LIN52: variants seen among roughly 807,000 people sequenced by gnomAD.
The protein encoded by LIN52 is protein lin-52 homolog.
In LIN52, 4 loss-of-function variants were observed where a neutral mutation model predicts 18.5. The observed-to-expected ratio is 0.22, with a 90% CI of 0.11 to 0.49. The LOEUF is 0.49. LIN52 is among the 20% of genes least tolerant of loss of function. The pLI is 0.97. For missense variants in LIN52, 102 were observed against 139.5 expected, an observed-to-expected ratio of 0.73 and a Z score of 1.35; for synonymous variants, 34 against 45.5, an observed-to-expected ratio of 0.75 and a Z score of 1.02.
chr14:74,189,116 G>A (rs560608032), intron 5 of LIN52, among the ~76,000 whole-genome samples: 1 of 152,244 alleles, frequency 6.6e-6, no homozygotes, highest in South Asian at 2.1e-4. Flanking sequence ...CTAACTTGGG[G>A]CAAAATATTT....
intron 5 of LIN52, among the ~76,000 whole-genome samples, chr14:74,184,828 CATT>C (rs1368893033): frequency 6.6e-6 from 1 of 152,112 alleles, no homozygotes; most frequent in Admixed American, 6.5e-5. Context: ...CTATTACAAT[CATT>C]ATTCTTTTTT....
intron 5 of LIN52, among the ~76,000 whole-genome samples, chr14:74,128,938 T>C (rs1022537225): frequency 6.6e-6 from 1 of 151,632 alleles, no homozygotes; most frequent in African/African-American, 2.4e-5. Context: ...CAAGACTCTG[T>C]CTAAAAAAAC....
intron 5 of LIN52, among the ~76,000 whole-genome samples, chr14:74,175,751 C>CACACACACACACCCA (rs778907221): frequency 7.7e-6 from 1 of 130,186 alleles, no homozygotes; most frequent in African/African-American, 3.7e-5. Flanking sequence ...CACACACACA[C>CACACACACACACCCA]CCCCATTATA....
intron 5 of LIN52, among the ~76,000 whole-genome samples, chr14:74,164,071 T>C (rs2139567900): frequency 6.6e-6 from 1 of 151,708 alleles, no homozygotes; most frequent in African/African-American, 2.4e-5. Context: ...AAGCTCCGCC[T>C]CCCGGGTTCA....
At position 74,097,720 on chromosome 14, in the gene LIN52, T is replaced by A. The variant is rs941320457; in HGVS notation, c.133-74T>A. On this transcript the variant is annotated intron_variant, in intron 3 of 5. Transcript: ENST00000555028. ...GGCAGCCACCGCATCCGGCCCAGGCTACACTTCTTATAAGAATAATAGGGT... is the reference window on the plus strand; with the variant it reads ...GGCAGCCACCGCATCCGGCCCAGGCAACACTTCTTATAAGAATAATAGGGT... 6 of 1,152,216 alleles carry A rather than the reference T, an allele frequency of 5.2e-6. No homozygotes were observed. The African/African-American group carries it at 9.2e-5, about 18-fold the overall frequency. The allele number at this position is 1,152,216 out of a possible 1,614,324, so 71.4% of individuals were successfully genotyped here. A position where few individuals can be genotyped will look rare whatever the true frequency, so the allele number is the denominator to read the frequency against.
chr14:74,138,359 A>G (rs905228691), intron 5 of LIN52, among the ~76,000 whole-genome samples: 10 of 152,186 alleles, frequency 6.6e-5, no homozygotes, highest in Admixed American at 6.5e-4. Context: ...ATTTTGGGGG[A>G]AAATTGATAA....
At chr14:74,161,918 T>C (rs2061226807) in intron 5 of LIN52, among the ~76,000 whole-genome samples, 1 of 152,180 alleles carries the variant, frequency 6.6e-6, no homozygotes, top group Non-Finnish European at 1.5e-5. Flanking sequence ...TGCCCTTTAT[T>C]GGCAAAGCAA....
chr14:74,194,870 C>T (rs541735402), intron 5 of LIN52, among the ~76,000 whole-genome samples: 27 of 152,248 alleles, frequency 1.8e-4, no homozygotes, highest in South Asian at 1.0e-3. Context: ...ACAGGCTGGG[C>T]GAGGTGGCTC....
At chr14:74,162,008 G>A (rs1310151764) in intron 5 of LIN52, among the ~76,000 whole-genome samples, 1 of 152,176 alleles carries the variant, frequency 6.6e-6, no homozygotes, top group African/African-American at 2.4e-5. Flanking sequence ...GGCAAAGGGT[G>A]AGTTAGGAAG....
intron 5 of LIN52, among the ~76,000 whole-genome samples, chr14:74,119,324 A>G (rs1207611855): frequency 2.6e-5 from 4 of 151,198 alleles, no homozygotes; most frequent in Admixed American, 6.6e-5. Flanking sequence ...CACCACGCCC[A>G]GCTAATTTTT....
intron 5 of LIN52, among the ~76,000 whole-genome samples, chr14:74,129,868 G>C (rs1055570615): frequency 3.9e-5 from 6 of 152,142 alleles, no homozygotes; most frequent in African/African-American, 1.2e-4. Flanking sequence ...TCATGCTGCT[G>C]ATAAAGACAT....
chr14:74,110,346 G>C (rs1353436464), intron 5 of LIN52, among the ~76,000 whole-genome samples: 2 of 152,030 alleles, frequency 1.3e-5, no homozygotes, highest in African/African-American at 4.8e-5. Context: ...GCAACAAAAC[G>C]AAGACTCCAT....
intron 4 of LIN52, 45 bp from the exon 5 acceptor site, chr14:74,101,110 G>C (rs1482179785): frequency 1.3e-6 from 2 of 1,512,162 alleles, no homozygotes; most frequent in African/African-American, 2.8e-5. Context: ...TGCTACTAGA[G>C]AAGAGTGGAA....
At position 74,200,241 on chromosome 14, in the gene LIN52, CTG is replaced by C. The variant is rs2078939241; in HGVS notation, c.*1266_*1267del. 7.8e-6 allele frequency: 1 copy of C among 128,502 alleles called. No homozygotes were observed. The highest frequency in any genetic ancestry group is 2.5e-4 in the South Asian group (1 of 4,068). The allele number at this position is 128,502 out of a possible 1,614,324, so 8.0% of individuals were successfully genotyped here. On this transcript the variant is annotated 3_prime_UTR_variant, in exon 6 of 6. Coordinates refer to ENST00000555028, the MANE Select transcript of LIN52 (RefSeq NM_001024674.3). ...CCATCCTGGCCAATATGGTGAAACC[CTG>C]TCTCTACTAAAATACAAAAATTAGC...
intron 5 of LIN52, among the ~76,000 whole-genome samples, chr14:74,179,374 T>G (rs1966402): frequency 0.49 from 74,605 of 151,936 alleles, 18,940 homozygotes; most frequent in Non-Finnish European, 0.53. Flanking sequence ...ATTCTAATTC[T>G]TTGGGCCGGG....
At position 74,103,788 on chromosome 14, in the gene LIN52, A is replaced by G. The variant is rs1224849283; in HGVS notation, c.283+2550A>G. Among the ~76,000 whole-genome samples the G allele has an allele frequency of 2.8e-4, 19 of 69,032 alleles. No individual in the cohort carries two copies. The Admixed American group carries it at 3.6e-3, about 13-fold the overall frequency. The allele number at this position is 69,032 out of a possible 152,430, so 45.3% of individuals were successfully genotyped here. On this transcript the variant is annotated intron_variant, in intron 5 of 5. Coordinates refer to ENST00000555028, the MANE Select transcript of LIN52 (RefSeq NM_001024674.3). ...TTTTTTTAAGAGACTGGGTTTTTCT[A>G]TGTTGCCTAGGCTGGACTTGAGTTC...
At chr14:74,125,558 G>A (rs1454108447) in intron 5 of LIN52, among the ~76,000 whole-genome samples, 1 of 151,940 alleles carries the variant, frequency 6.6e-6, no homozygotes, top group African/African-American at 2.4e-5. Context: ...TTCTCCCATT[G>A]TGTAGGTTGC....
At chr14:74,131,413 G>A (rs2061066456) in intron 5 of LIN52, among the ~76,000 whole-genome samples, 1 of 151,576 alleles carries the variant, frequency 6.6e-6, no homozygotes, top group Non-Finnish European at 1.5e-5. Flanking sequence ...CTGCCTCCCA[G>A]GTTCAAGCGA....
At chr14:74,131,444 G>A (rs2061066710) in intron 5 of LIN52, among the ~76,000 whole-genome samples, 1 of 151,322 alleles carries the variant, frequency 6.6e-6, no homozygotes, top group Non-Finnish European at 1.5e-5. Context: ...TCAGCCTCCC[G>A]AGTAGCTGGG....
Sources: gnomAD v4.1 joint callset for allele counts (sites outside exome capture counted in the v4.1 genomes callset) on GRCh38, gnomAD v4.1.1 for gene constraint, MANE v1.5 for transcripts, NCBI Gene and HGNC (gene_info 2026-07-23, HGNC 2026-07-21) for gene names.